Variants in SLC6A6 observed in about 807,000 individuals in gnomAD.
SLC6A6 encodes sodium- and chloride-dependent taurine transporter.
Under a neutral mutation model 68.8 loss-of-function variants are expected in SLC6A6, and 16 were observed. That is an observed-to-expected ratio of 0.23 (90% CI 0.16 to 0.35). SLC6A6 has a LOEUF of 0.35. SLC6A6 is among the 10% of genes least tolerant of loss of function. The pLI is 1.00. For synonymous variants in SLC6A6, 312 were observed against 315.4 expected (o/e 0.99, Z 0.12); for missense variants, 474 against 802.8 (o/e 0.59, Z 4.95).
At chr3:14,433,640 A>G (rs528086374) in intron 2 of SLC6A6, among the ~76,000 whole-genome samples, 6 of 151,894 alleles carry the variant, frequency 4.0e-5, no homozygotes, top group Non-Finnish European at 8.8e-5. Flanking sequence ...CATCTCTACT[A>G]AAAATACTAA....
chr3:14,449,287 T>C (rs1700201914), intron 5 of SLC6A6, among the ~76,000 whole-genome samples: 1 of 152,184 alleles, frequency 6.6e-6, no homozygotes. Flanking sequence ...TCACTGGGGG[T>C]TCCTCTAGTG....
chr3:14,468,160 G>T lies in SLC6A6; in HGVS notation c.1044G>T (p.Leu348=). ...CTGGCTTCGCAATTTTTTCCATCCTGGGCTTCATGGCACAAGAGCAAGGGG... is the reference window on the plus strand; with the variant it reads ...CTGGCTTCGCAATTTTTTCCATCCTTGGCTTCATGGCACAAGAGCAAGGGG... ...FVSGFAIFSI[L]GFMAQEQGVD... The change falls in exon 9 of 15, where the codon CTG becomes CTT. Residue 348 remains leucine, a synonymous_variant. Transcript: ENST00000622186. The surrounding 1 kb of genome is among the most constrained non-coding windows in gnomAD (Gnocchi z 4.5). The T allele has an allele frequency of 6.2e-7, 1 of 1,614,070 alleles. No individual in the cohort carries two copies.
intron 2 of SLC6A6, among the ~76,000 whole-genome samples, chr3:14,424,771 C>T (rs963064608): frequency 1.3e-5 from 2 of 152,182 alleles, no homozygotes; most frequent in African/African-American, 2.4e-5. Context: ...CAGGCACGGC[C>T]ACAAGTCTCC....
Position 14,454,028 on chromosome 3 carries a change from A to C in SLC6A6, c.600-3922A>C, listed in dbSNP as rs369709429. On this transcript the variant is annotated intron_variant, in intron 5 of 14. Transcript: ENST00000622186. ...CCTGCCCAGAACACTTCCCCTTTAC[A>C]CCCGTTCACCTGTGTGTTTACTAAT... Among the ~76,000 whole-genome samples the C allele has an allele frequency of 1.1e-4, 16 of 152,244 alleles. No homozygotes were observed. The South Asian group carries it at 1.7e-3, about 16-fold the overall frequency.
chr3:14,428,328 C>A (rs77733516), intron 2 of SLC6A6, among the ~76,000 whole-genome samples: 1 of 152,202 alleles, frequency 6.6e-6, no homozygotes, highest in East Asian at 1.9e-4. Context: ...AAGCACTCGG[C>A]GGGCATGGTG....
chr3:14,479,102 G>T lies in SLC6A6; in HGVS notation c.1468G>T (p.Asp490Tyr). 3 of 1,611,960 alleles carry T rather than the reference G, an allele frequency of 1.9e-6. No individual in the cohort carries two copies. Among genetic ancestry groups the T allele is most frequent in the Non-Finnish European group, 2.5e-6 (3 of 1,178,028 alleles). ...TCTTGCAGGAGGTGATAACCTTTAT[G>T]ATGGTATTGAGGACATGATTGGCTA... The part of the protein sequence containing the change: ...AWIYGGDNLY[D>Y]GIEDMIGYRP... The change falls in exon 13 of 15, where the codon GAT (aspartate) becomes TAT (tyrosine). Residue 490 changes from aspartate to tyrosine, a missense_variant. Around this residue, in one of 2 missense-constraint regions of SLC6A6, gnomAD observed 194 missense variants for 269.8 expected, o/e 0.72. Coordinates refer to ENST00000622186, the MANE Select transcript of SLC6A6 (RefSeq NM_003043.6).
At chr3:14,421,836 A>G (rs1256124287) in intron 2 of SLC6A6, among the ~76,000 whole-genome samples, 4 of 152,154 alleles carry the variant, frequency 2.6e-5, no homozygotes, top group African/African-American at 7.2e-5. Context: ...TTGGTTTTGC[A>G]CACAGCTGCT....
Position 14,481,510 on chromosome 3 carries a change from G to C in SLC6A6, c.1552-161G>C, listed in dbSNP as rs139643110. On this transcript the variant is annotated intron_variant, in intron 13 of 14. Coordinates refer to ENST00000622186, the MANE Select transcript of SLC6A6 (RefSeq NM_003043.6). The surrounding 1 kb of genome is among the most constrained non-coding windows in gnomAD (Gnocchi z 4.7). Reference sequence around the variant, plus strand: ...CGACTTACTGTGTTTTTACCGGGGCGGGGGGGATCCTTATGGCAGCAGAGA... The same window carrying C: ...CGACTTACTGTGTTTTTACCGGGGCCGGGGGGATCCTTATGGCAGCAGAGA... Among the ~76,000 whole-genome samples, 18 of 152,016 alleles carry C rather than the reference G, an allele frequency of 1.2e-4. No individual in the cohort carries two copies. The highest frequency in any genetic ancestry group is 2.6e-4 in the Admixed American group (4 of 15,268).
chr3:14,456,327 G>A (rs1700366711), intron 5 of SLC6A6, among the ~76,000 whole-genome samples: 1 of 152,268 alleles, frequency 6.6e-6, no homozygotes, highest in South Asian at 2.1e-4. Context: ...TCTTATGGCT[G>A]TTAGTGGGAG....
chr3:14,438,469 A>G (rs1256132117), intron 2 of SLC6A6, among the ~76,000 whole-genome samples: 2 of 152,158 alleles, frequency 1.3e-5, no homozygotes, highest in African/African-American at 4.8e-5. Context: ...TGCTGTGGAA[A>G]GGGCGGGGCA....
chr3:14,467,692 C>T (rs1051882875), intron 7 of SLC6A6, among the ~76,000 whole-genome samples, 161 bp from the exon 8 acceptor site: 7 of 152,184 alleles, frequency 4.6e-5, no homozygotes, highest in Admixed American at 1.3e-4. Flanking sequence ...CTCAGTACTG[C>T]CTTGAAAGGC....
intron 5 of SLC6A6, among the ~76,000 whole-genome samples, chr3:14,456,891 C>G (rs941673069): frequency 6.6e-6 from 1 of 152,226 alleles, no homozygotes; most frequent in African/African-American, 2.4e-5. Context: ...GGCCAGCAGC[C>G]TGTGGTGGAC....
At chr3:14,469,580 CT>C (rs1375866325) in intron 9 of SLC6A6, among the ~76,000 whole-genome samples, 4 of 152,210 alleles carry the variant, frequency 2.6e-5, no homozygotes, top group African/African-American at 9.6e-5. Flanking sequence ...TACAACAGGG[CT>C]TTCTGAACAT....
chr3:14,467,844 C>T lies in SLC6A6; in HGVS notation c.868-9C>T, dbSNP rs935482253. ...CTCTCTTTCCTTGCCACCTCCCTCCCCCTCATAGGTGTGGATTGACGCTGG... is the reference window on the plus strand; with the variant it reads ...CTCTCTTTCCTTGCCACCTCCCTCCTCCTCATAGGTGTGGATTGACGCTGG... On this transcript the variant is annotated splice_polypyrimidine_tract_variant and intron_variant, in intron 7 of 14. Coordinates refer to ENST00000622186, the MANE Select transcript of SLC6A6 (RefSeq NM_003043.6). 6.3e-7 allele frequency: 1 copy of T among 1,577,570 alleles called. No individual in the cohort carries two copies. The highest frequency in any genetic ancestry group is 8.7e-7 in the Non-Finnish European group (1 of 1,152,888).
At chr3:14,428,540 C>T (rs958947759) in intron 2 of SLC6A6, among the ~76,000 whole-genome samples, 3 of 152,182 alleles carry the variant, frequency 2.0e-5, no homozygotes, top group Non-Finnish European at 4.4e-5. Context: ...TGTTATTACT[C>T]CCATTCTATA....
chr3:14,444,568 A>G (rs1700068617), intron 3 of SLC6A6, among the ~76,000 whole-genome samples: 1 of 152,154 alleles, frequency 6.6e-6, no homozygotes, highest in South Asian at 2.1e-4. Flanking sequence ...TGCTGGTGCC[A>G]TGATGGGGTT....
intron 13 of SLC6A6, among the ~76,000 whole-genome samples, chr3:14,480,944 G>A (rs1700992646): frequency 6.6e-6 from 1 of 152,188 alleles, no homozygotes; most frequent in Non-Finnish European, 1.5e-5. Context: ...CACCGAACAG[G>A]GCAAGGCTCA....
At chr3:14,418,106 G>A (rs2341964) in intron 2 of SLC6A6, among the ~76,000 whole-genome samples, 3,284 of 152,240 alleles carry the variant, frequency 0.022, 138 homozygotes, top group African/African-American at 0.075. Flanking sequence ...GATCATCCTC[G>A]TACTCGCCAT....
intron 14 of SLC6A6, among the ~76,000 whole-genome samples, chr3:14,483,233 A>T (rs1426361147): frequency 2.0e-5 from 3 of 152,160 alleles, no homozygotes; most frequent in Admixed American, 2.0e-4. Context: ...GCTTCACCCC[A>T]CACTGGTACC....
Sources: gnomAD v4.1 joint callset for allele counts (sites outside exome capture counted in the v4.1 genomes callset) on GRCh38, gnomAD v4.1.1 for gene constraint, gnomAD v4.1.1 regional missense constraint, Gnocchi (gnomAD v3.1) non-coding constraint, MANE v1.5 for transcripts, NCBI Gene and HGNC (gene_info 2026-07-23, HGNC 2026-07-21) for gene names.